Variants in FAM193A observed in about 807,000 individuals in gnomAD.
The protein encoded by FAM193A is family with sequence similarity 193 member A.
In FAM193A, 22 loss-of-function variants were observed where a neutral mutation model predicts 126.5. The observed-to-expected ratio is 0.17, with a 90% confidence interval of 0.12 to 0.25. The LOEUF (loss-of-function observed/expected upper bound fraction) is 0.25, where lower values mean the gene tolerates loss of function less well. FAM193A is among the 10% of genes least tolerant of loss of function. FAM193A has a pLI of 1.00. For synonymous variants in FAM193A, 761 were observed against 646.8 expected (o/e 1.18, Z -2.68); for missense variants, 1,675 against 1,672.8 (o/e 1.00, Z -0.02).
At chr4:2,699,449 CA>C (rs1560584511) in intron 18 of FAM193A, among the ~76,000 whole-genome samples, 4,954 of 77,206 alleles carry the variant, frequency 0.064, 658 homozygotes, top group South Asian at 0.12. Context: ...CCCCCCCCCA[CA>C]CACACACACA....
chr4:2,609,114 A>G (rs1230588080), intron 2 of FAM193A, among the ~76,000 whole-genome samples: 1 of 151,618 alleles, frequency 6.6e-6, no homozygotes, highest in Non-Finnish European at 1.5e-5. Context: ...GAACGGTCCC[A>G]GTCTTGTGAC....
intron 1 of FAM193A, among the ~76,000 whole-genome samples, chr4:2,576,179 C>T (rs933066855): frequency 6.6e-6 from 1 of 152,178 alleles, no homozygotes; most frequent in Non-Finnish European, 1.5e-5. Context: ...TCACTGCAAC[C>T]TCCACCTCCC....
At chr4:2,588,882 T>A (rs185000794) in intron 1 of FAM193A, among the ~76,000 whole-genome samples, 2 of 152,224 alleles carry the variant, frequency 1.3e-5, no homozygotes, top group South Asian at 4.1e-4. Flanking sequence ...CTTAGTAGAT[T>A]AACTTTACTT....
chr4:2,721,830 G>A (rs969266484), intron 20 of FAM193A, among the ~76,000 whole-genome samples: 4 of 152,224 alleles, frequency 2.6e-5, no homozygotes, highest in African/African-American at 9.6e-5. Context: ...TGTCCCGGGG[G>A]CGGGGCAAAC....
chr4:2,691,379 C>G (rs1457103217), intron 15 of FAM193A, among the ~76,000 whole-genome samples: 3 of 152,172 alleles, frequency 2.0e-5, no homozygotes, highest in Admixed American at 1.3e-4. Context: ...CCACGCACGG[C>G]TAATTTCTGT....
At chr4:2,658,297 C>T (rs1005521587) in intron 8 of FAM193A, among the ~76,000 whole-genome samples, 3 of 152,144 alleles carry the variant, frequency 2.0e-5, no homozygotes, top group Non-Finnish European at 4.4e-5. Flanking sequence ...CCAGACAGAG[C>T]GCTCAGATCT....
At chr4:2,652,163 C>A (rs1745735532) in intron 7 of FAM193A, among the ~76,000 whole-genome samples, 1 of 152,138 alleles carries the variant, frequency 6.6e-6, no homozygotes, top group Non-Finnish European at 1.5e-5. Context: ...CACTTGTCTG[C>A]AAGTCTAAGT....
intron 1 of FAM193A, among the ~76,000 whole-genome samples, chr4:2,559,681 T>C (rs956071322): frequency 3.3e-5 from 5 of 152,198 alleles, no homozygotes; most frequent in Admixed American, 2.6e-4. Flanking sequence ...TGCTTCCTCC[T>C]CCCTCTGGAT....
Position 2,598,684 on chromosome 4 carries a change from C to T in FAM193A, c.501+2355C>T, listed in dbSNP as rs116738689. On this transcript the variant is annotated intron_variant, in intron 2 of 20. Coordinates refer to ENST00000637812, the MANE Select transcript of FAM193A (RefSeq NM_001366318.2). Reference sequence around the variant, plus strand: ...TTCTCTTGTTCTGTTTGGTCAAATGCCAGACAGTGTGCAGAGAGCATCAGG... The same window carrying T: ...TTCTCTTGTTCTGTTTGGTCAAATGTCAGACAGTGTGCAGAGAGCATCAGG... 3.8e-3 allele frequency among the ~76,000 whole-genome samples: 584 copies of T among 152,302 alleles called. 5 individuals carry two copies. The highest frequency in any genetic ancestry group is 0.014 in the African/African-American group (564 of 41,552).
intron 19 of FAM193A, among the ~76,000 whole-genome samples, chr4:2,702,483 G>C (rs1717842946): frequency 1.3e-5 from 2 of 152,204 alleles, no homozygotes; most frequent in Admixed American, 1.3e-4. Flanking sequence ...ACTGCCATAT[G>C]GCATTGCTTT....
At chr4:2,730,847 C>G (rs1008795574) in intron 20 of FAM193A, among the ~76,000 whole-genome samples, 7 of 151,172 alleles carry the variant, frequency 4.6e-5, no homozygotes, top group African/African-American at 1.7e-4. Flanking sequence ...GAGCCAAGAT[C>G]GTGCCACTGC....
At position 2,659,914 on chromosome 4, in the gene FAM193A, G is replaced by A; in HGVS notation, c.1605G>A (p.Val535=). Residue 535 remains valine, a synonymous_variant, in exon 10 of 21, where the codon GTG becomes GTA. Coordinates refer to ENST00000637812, the MANE Select transcript of FAM193A (RefSeq NM_001366318.2). ...ACATTCACCAGCTCCCACTTCAAGT[G>A]GATCCTGCTCCTGACTATCTTGCTG... ...DIHIHQLPLQ[V]DPAPDYLAER... is the part of the protein sequence containing the mutation. 6.2e-7 allele frequency: 1 copy of A among 1,614,150 alleles called. No homozygotes were observed. Among genetic ancestry groups the A allele is most frequent in the Non-Finnish European group, 8.5e-7 (1 of 1,180,034 alleles).
chr4:2,614,361 A>G (rs912487271), intron 2 of FAM193A, among the ~76,000 whole-genome samples: 1 of 152,236 alleles, frequency 6.6e-6, no homozygotes, highest in East Asian at 1.9e-4. Flanking sequence ...TACTCTCTAC[A>G]TCTGTTAAGA....
At chr4:2,657,940 G>C in intron 8 of FAM193A, 60 bp downstream of exon 8, 3 of 1,144,764 alleles carry the variant, frequency 2.6e-6, no homozygotes, top group South Asian at 1.3e-5. Flanking sequence ...GACAGCAAAT[G>C]ACTTCTCTGC....
At chr4:2,620,656 C>G (rs1459686082) in intron 2 of FAM193A, among the ~76,000 whole-genome samples, 1 of 151,876 alleles carries the variant, frequency 6.6e-6, no homozygotes, top group Non-Finnish European at 1.5e-5. Context: ...GGAGACCAGC[C>G]TTGTCAACGT....
In FAM193A at chr4:2,700,077, C is replaced by G. The variant is rs1272811278; in HGVS notation, c.3905C>G (p.Thr1302Ser). 2.5e-6 allele frequency: 4 copies of G among 1,613,812 alleles called. No individual in the cohort carries two copies. The highest frequency in any genetic ancestry group is 3.4e-6 in the Non-Finnish European group (4 of 1,180,010). ...GGGGATGCTGCAGACCCCGTCGACA[C>G]CAGAGACTCCAAATTTCTCCTCCCC... ...ADGDAADPVD[T>S]RDSKFLLPKE... Residue 1302 changes from threonine (T) to serine (S), a missense_variant, in exon 19 of 21, where the codon ACC becomes AGC. Transcript: ENST00000637812.
chr4:2,709,181 A>G (rs1014409822), intron 19 of FAM193A, among the ~76,000 whole-genome samples: 47 of 152,166 alleles, frequency 3.1e-4, no homozygotes, highest in Non-Finnish European at 4.9e-4. Context: ...TTCTCCTTAG[A>G]TGTATTAATA....
intron 10 of FAM193A, among the ~76,000 whole-genome samples, chr4:2,662,042 G>A (rs375010953): frequency 2.0e-5 from 3 of 152,100 alleles, no homozygotes; most frequent in Admixed American, 6.5e-5. Flanking sequence ...AATCAGCCGG[G>A]CGTGGTGGCG....
chr4:2,642,268 A>C (rs971015274), intron 6 of FAM193A, among the ~76,000 whole-genome samples: 5 of 151,930 alleles, frequency 3.3e-5, no homozygotes, highest in African/African-American at 1.2e-4. Context: ...ACGCCACTAC[A>C]CTCCAGCCTG....
Sources: allele counts gnomAD v4.1 joint callset (sites outside exome capture counted in the v4.1 genomes callset), GRCh38; gene constraint gnomAD v4.1.1; transcripts MANE v1.5; gene names NCBI Gene and HGNC (gene_info 2026-07-23, HGNC 2026-07-21).